ETV5: variants seen among roughly 807,000 people sequenced by gnomAD.
ETV5 encodes the protein ETS translocation variant 5.
In ETV5, 10 loss-of-function variants were observed where a neutral mutation model predicts 70.0. The observed-to-expected ratio is 0.14, with a 90% CI of 0.09 to 0.24. ETV5 has a LOEUF of 0.24. ETV5 is among the 10% of genes least tolerant of loss of function. ETV5 has a pLI of 1.00. For missense variants in ETV5, 453 were observed against 651.2 expected (o/e 0.70, Z 3.31); for synonymous variants, 216 against 242.2 (o/e 0.89, Z 1.01).
rs1290431787 is a variant in ETV5, at chr3:186,105,735, G to A, written c.46-23C>T. The stretch of plus-strand genomic sequence containing the variant: ...TTTCTGAAAGAGGCCAACAGAAAGT[G>A]AAGGCTCAAGTGTAGTAAAGAGGTC... On this transcript the variant is annotated intron_variant, in intron 2 of 12. Coordinates refer to ENST00000306376, the MANE Select transcript of ETV5 (RefSeq NM_004454.3). This position sits in a 1 kb window ranked among gnomAD's most constrained non-coding sequence, Gnocchi z 4.5. 1.2e-6 allele frequency: 2 copies of A among 1,613,926 alleles called. No individual in the cohort carries two copies. The highest frequency in any genetic ancestry group is 3.3e-5 in the Admixed American group (2 of 60,024).
chr3:186,061,451 C>T (rs549155541), intron 9 of ETV5, among the ~76,000 whole-genome samples: 113 of 152,304 alleles, frequency 7.4e-4, no homozygotes, highest in Non-Finnish European at 8.4e-4. Context: ...CTGGGCCCCA[C>T]CGCTGGGGGT....
chr3:186,059,441 G>C (rs879841695), intron 9 of ETV5, among the ~76,000 whole-genome samples: 1 of 152,186 alleles, frequency 6.6e-6, no homozygotes, highest in Admixed American at 6.5e-5. Context: ...AAAGAAACGA[G>C]AGGTGGCATA....
In ETV5 at chr3:186,090,567, T is replaced by C. The variant is rs115536719; in HGVS notation, c.233-9392A>G. Reference sequence around the variant, plus strand: ...ACCACAAACGATTCTTGAGAAAAAATGGAGAATTTCCACTCCTTGTGAATT... The same window carrying C: ...ACCACAAACGATTCTTGAGAAAAAACGGAGAATTTCCACTCCTTGTGAATT... On this transcript the variant is annotated intron_variant, in intron 5 of 12. Transcript: ENST00000306376. Among the ~76,000 whole-genome samples the C allele has an allele frequency of 9.4e-3, 1,437 of 152,184 alleles. 12 individuals are homozygous for C. Among genetic ancestry groups the C allele is most frequent in the Non-Finnish European group, 0.013 (913 of 68,010 alleles).
intron 5 of ETV5, among the ~76,000 whole-genome samples, chr3:186,096,912 G>T (rs1578560375): frequency 6.6e-6 from 1 of 152,090 alleles, no homozygotes; most frequent in African/African-American, 2.4e-5. Flanking sequence ...TAGGTGTGGT[G>T]GCTCGAACCT....
At chr3:186,099,324 G>A (rs1345914572) in intron 5 of ETV5, among the ~76,000 whole-genome samples, 2 of 152,234 alleles carry the variant, frequency 1.3e-5, no homozygotes, top group African/African-American at 4.8e-5. Flanking sequence ...AAATGAGCTT[G>A]ATGAGTTCAC....
chr3:186,084,461 C>CTTCATTCATTCATTCA (rs67764705), intron 5 of ETV5, among the ~76,000 whole-genome samples: 2 of 150,856 alleles, frequency 1.3e-5, no homozygotes, highest in African/African-American at 2.5e-5. Context: ...TTCTTTCTGT[C>CTTCATTCATTCATTCA]TTCATTCATT....
intron 5 of ETV5, among the ~76,000 whole-genome samples, chr3:186,082,649 G>T (rs1484673905): frequency 6.6e-6 from 1 of 152,150 alleles, no homozygotes; most frequent in Non-Finnish European, 1.5e-5. Context: ...TCGAACTAAT[G>T]ACTTTGTGAT....
chr3:186,105,907 C>T lies in ETV5; in HGVS notation c.-39G>A. The T allele has an allele frequency of 2.5e-6, 4 of 1,610,022 alleles. No individual in the cohort carries two copies. The highest frequency in any genetic ancestry group is 3.4e-6 in the Non-Finnish European group (4 of 1,177,944). ...TCTCTAATACCACTTTGAGAGGTTT[C>T]AGCATTGAGTAATTTCTGGGGGAAA... On this transcript the variant is annotated 5_prime_UTR_variant, in exon 2 of 13. Transcript: ENST00000306376. This position sits in a 1 kb window ranked among gnomAD's most constrained non-coding sequence, Gnocchi z 4.5.
intron 7 of ETV5, among the ~76,000 whole-genome samples, chr3:186,066,419 G>A (rs1366198546): frequency 1.3e-5 from 2 of 152,068 alleles, no homozygotes; most frequent in African/African-American, 2.4e-5. Context: ...ATACATAAAT[G>A]TTTGTTCACT....
intron 7 of ETV5, among the ~76,000 whole-genome samples, chr3:186,073,667 TA>T (rs1713701372): frequency 6.6e-6 from 1 of 152,166 alleles, no homozygotes; most frequent in South Asian, 2.1e-4. Context: ...TTGAAAGAAA[TA>T]ATAGAAAATA....
intron 5 of ETV5, among the ~76,000 whole-genome samples, chr3:186,100,751 A>C (rs1025952862): frequency 2.6e-5 from 4 of 152,230 alleles, no homozygotes; most frequent in African/African-American, 9.6e-5. Context: ...TCTTAAAACA[A>C]TTCTCTAGGC....
At chr3:186,076,326 G>C in intron 7 of ETV5, 1 of 201,766 alleles carries the variant, frequency 5.0e-6, no homozygotes, top group Non-Finnish European at 1.0e-5. Context: ...GTCTCACTGT[G>C]TTGTCCAGGC....
chr3:186,070,818 C>T (rs1417193974), intron 7 of ETV5, among the ~76,000 whole-genome samples: 1 of 152,212 alleles, frequency 6.6e-6, no homozygotes, highest in Non-Finnish European at 1.5e-5. Flanking sequence ...TTTACCAAGG[C>T]AGGCAATCAC....
rs1453792136 is a variant in ETV5 at position 186,047,066 on chromosome 3, G to T, written c.*1573C>A. The T allele has an allele frequency of 4.4e-6, 1 of 228,174 alleles. No individual in the cohort carries two copies. Among genetic ancestry groups the T allele is most frequent in the Non-Finnish European group, 8.7e-6 (1 of 114,612 alleles). The allele number at this position is 228,174 out of a possible 1,614,324, so 14.1% of individuals were successfully genotyped here. On this transcript the variant is annotated 3_prime_UTR_variant, in exon 13 of 13. Transcript: ENST00000306376. ...TCAAAGCACGTGTCTCACACTCACG[G>T]AGTCAGCACTGCCTCCTTCACATAC...
chr3:186,073,396 G>T (rs1713692814), intron 7 of ETV5, among the ~76,000 whole-genome samples: 1 of 152,124 alleles, frequency 6.6e-6, no homozygotes, highest in South Asian at 2.1e-4. Context: ...CTTCTGTGTG[G>T]TATCTATTAT....
chr3:186,087,224 G>A (rs929341914), intron 5 of ETV5, among the ~76,000 whole-genome samples: 1 of 152,140 alleles, frequency 6.6e-6, no homozygotes, highest in African/African-American at 2.4e-5. Flanking sequence ...CAAATATGCT[G>A]AGCTAAAAGA....
At chr3:186,099,550 T>C (rs994756486) in intron 5 of ETV5, among the ~76,000 whole-genome samples, 1 of 152,180 alleles carries the variant, frequency 6.6e-6, no homozygotes, top group Non-Finnish European at 1.5e-5. Flanking sequence ...TGGATGTACT[T>C]TACCACCACT....
At chr3:186,078,201 T>C (rs1713843601) in intron 7 of ETV5, 1 of 1,051,640 alleles carries the variant, frequency 9.5e-7, no homozygotes. Context: ...TAATACAGTA[T>C]GTTACATAAG....
chr3:186,108,077 A>C (rs1714636799), intron 1 of ETV5, among the ~76,000 whole-genome samples: 1 of 150,816 alleles, frequency 6.6e-6, no homozygotes, highest in Admixed American at 6.6e-5. Flanking sequence ...ACCCACATTC[A>C]TAAAAACGAG....
Sources: gnomAD v4.1 joint callset for allele counts (sites outside exome capture counted in the v4.1 genomes callset) on GRCh38, gnomAD v4.1.1 for gene constraint, Gnocchi (gnomAD v3.1) non-coding constraint, MANE v1.5 for transcripts, NCBI Gene and HGNC (gene_info 2026-07-23, HGNC 2026-07-21) for gene names.